CASP4: variants seen among roughly 807,000 people sequenced by gnomAD.
The protein encoded by CASP4 is caspase 4, also known as caspase-4.
A neutral mutation model predicts 41.3 loss-of-function variants in CASP4; 29 were observed. The observed-to-expected ratio is 0.70, with a 90% CI of 0.52 to 0.96. The LOEUF (loss-of-function observed/expected upper bound fraction) is 0.96, where lower values mean the gene tolerates loss of function less well. Ranked by LOEUF, CASP4 falls within the 40% of genes least tolerant of loss-of-function variation. The pLI is 0.00. For synonymous variants in CASP4, 185 were observed against 158.4 expected (o/e 1.17, Z -1.26); for missense variants, 447 against 460.6 (o/e 0.97, Z 0.27).
intron 1 of CASP4, among the ~76,000 whole-genome samples, chr11:104,967,753 A>G (rs754213605): frequency 6.6e-6 from 1 of 152,182 alleles, no homozygotes; most frequent in Non-Finnish European, 1.5e-5. Flanking sequence ...GCGATATGTT[A>G]TAAGGTTTAG....
Position 104,947,155 on chromosome 11 carries a change from G to T in CASP4, c.963C>A (p.Ile321=). 1 of 1,612,668 alleles carries T rather than the reference G, an allele frequency of 6.2e-7. No homozygotes were observed. The highest frequency in any genetic ancestry group is 1.1e-5 in the South Asian group (1 of 91,026). The change falls in exon 7 of 9, where the codon ATC becomes ATA. Residue 321 remains isoleucine, a synonymous_variant. Coordinates refer to ENST00000444739, the MANE Select transcript of CASP4 (RefSeq NM_001225.4). ...VSWRDSTMGS[I]FITQLITCFQ... is the part of the protein sequence containing the mutation. Reference sequence around the variant, plus strand: ...AGCATGTGATGAGTTGTGTGATGAAGATAGAGCCCATTGTGCTGTCTCTCC... The same window carrying T: ...AGCATGTGATGAGTTGTGTGATGAATATAGAGCCCATTGTGCTGTCTCTCC...
chr11:104,949,469 C>G, intron 5 of CASP4, 74 bp downstream of exon 5: 1 of 1,502,822 alleles, frequency 6.7e-7, no homozygotes. Flanking sequence ...AATGTTGCCC[C>G]TAAATATAAA....
At chr11:104,964,277 A>G (rs998800933) in intron 1 of CASP4, among the ~76,000 whole-genome samples, 2 of 152,170 alleles carry the variant, frequency 1.3e-5, no homozygotes, top group African/African-American at 4.8e-5. Context: ...AATAGAGGAA[A>G]AAAACAAAAC....
At chr11:104,949,445 G>A in intron 5 of CASP4, 98 bp downstream of exon 5, 2 of 1,243,800 alleles carry the variant, frequency 1.6e-6, no homozygotes, top group Non-Finnish European at 2.4e-6. Flanking sequence ...TATTTACACT[G>A]GATGAGGTTT....
At chr11:104,957,398 A>G (rs1474059745) in intron 1 of CASP4, among the ~76,000 whole-genome samples, 1 of 152,160 alleles carries the variant, frequency 6.6e-6, no homozygotes, top group Non-Finnish European at 1.5e-5. Context: ...TGGTGAGACT[A>G]TGTCTCTACA....
intron 2 of CASP4, among the ~76,000 whole-genome samples, 189 bp downstream of exon 2, chr11:104,954,558 T>C (rs911146495): frequency 1.1e-4 from 17 of 152,152 alleles, no homozygotes; most frequent in Non-Finnish European, 2.4e-4. Context: ...ACTCAGCCTT[T>C]TAGCTGATTG....
intron 1 of CASP4, 56 bp downstream of exon 1, chr11:104,968,462 TA>T: frequency 1.3e-6 from 2 of 1,486,256 alleles, no homozygotes; most frequent in Non-Finnish European, 1.9e-6. Flanking sequence ...TTCAGAGCAA[TA>T]AATCAAGTGT....
At chr11:104,966,951 A>G (rs558689571) in intron 1 of CASP4, among the ~76,000 whole-genome samples, 2 of 152,340 alleles carry the variant, frequency 1.3e-5, no homozygotes, top group South Asian at 2.1e-4. Flanking sequence ...TGAATTAGCT[A>G]TCATATGGTA....
intron 7 of CASP4, among the ~76,000 whole-genome samples, chr11:104,946,125 G>T (rs563690445): frequency 1.3e-5 from 2 of 152,144 alleles, no homozygotes; most frequent in East Asian, 3.9e-4. Context: ...GGGATTACAG[G>T]AATGAGTGAC....
Position 104,954,979 on chromosome 11 carries a change from T to C in CASP4, c.30A>G (p.Pro10=), listed in dbSNP as rs1469293156. The part of the protein sequence containing the change: MAEGNHRKK[P]LKVLESLGKD... The stretch of plus-strand genomic sequence containing the variant: ...TGCCCAGGGATTCCAACACCTTAAG[T>C]GGCTTTTTTCTGTGGTTGCCTTCTG... Residue 10 remains proline, a synonymous_variant, in exon 2 of 9, where the codon CCA becomes CCG. Coordinates refer to ENST00000444739, the MANE Select transcript of CASP4 (RefSeq NM_001225.4). 1 of 1,613,244 alleles carries C rather than the reference T, an allele frequency of 6.2e-7. No homozygotes were observed. Among genetic ancestry groups the C allele is most frequent in the African/African-American group, 1.3e-5 (1 of 74,838 alleles).
intron 1 of CASP4, among the ~76,000 whole-genome samples, chr11:104,966,241 G>C (rs1454739473): frequency 6.6e-6 from 1 of 152,150 alleles, no homozygotes; most frequent in Non-Finnish European, 1.5e-5. Context: ...AACCAGGTAA[G>C]TTTGATTTCA....
intron 5 of CASP4, 121 bp from the exon 6 acceptor site, chr11:104,948,797 C>G: frequency 3.1e-6 from 2 of 653,508 alleles, no homozygotes; most frequent in Middle Eastern, 5.3e-4. Flanking sequence ...GACCCACACA[C>G]ATACAAACAC....
rs746264538 is a variant in CASP4, at chr11:104,951,052, A to G, written c.419T>C (p.Ile140Thr). Residue 140 changes from isoleucine to threonine, a missense_variant, in exon 4 of 9, where the codon ATC becomes ACC. Transcript: ENST00000444739. ...ERNNRTRLAL[I>T]ICNTEFDHLP... ...ATGGTCAAACTCTGTATTGCATATG[A>G]TGAGAGCCAGGCGTGTGCGGTTGTT... The G allele has an allele frequency of 3.1e-6, 5 of 1,613,392 alleles. No individual in the cohort carries two copies. Among genetic ancestry groups the G allele is most frequent in the Middle Eastern group, 3.3e-4 (2 of 6,054 alleles).
chr11:104,950,907 C>A lies in CASP4; in HGVS notation c.546+18G>T, dbSNP rs56315921. ...GTCTTGAATATGTATGTGTTTGTGG[C>A]GGCTGAGGGATTCTTACCCTGGCTG... On this transcript the variant is annotated intron_variant, in intron 4 of 8. Transcript: ENST00000444739. 1.2e-6 allele frequency: 2 copies of A among 1,603,830 alleles called. No individual in the cohort carries two copies. Among genetic ancestry groups the A allele is most frequent in the East Asian group, 2.2e-5 (1 of 44,692 alleles).
At chr11:104,948,494 A>G in intron 6 of CASP4, 39 bp downstream of exon 6, 2 of 1,530,484 alleles carry the variant, frequency 1.3e-6, no homozygotes, top group Non-Finnish European at 1.8e-6. Context: ...AGATGGCCTC[A>G]GGCCCACAAA....
At position 104,947,643 on chromosome 11, in the gene CASP4, A is replaced by G. The variant is rs141880452; in HGVS notation, c.926-451T>C. ...CAAAGTTGTTTGCAGATTATGCCAC[A>G]CTGTCTTTCACCGTATAATAGAAAT... On this transcript the variant is annotated intron_variant, in intron 6 of 8. Coordinates refer to ENST00000444739, the MANE Select transcript of CASP4 (RefSeq NM_001225.4). 921 of 152,970 alleles carry G rather than the reference A, an allele frequency of 6.0e-3. 7 individuals carry two copies. Among genetic ancestry groups the G allele is most frequent in the South Asian group, 0.043 (211 of 4,882 alleles). 9.5% of individuals were successfully genotyped at this position (152,970 alleles called of 1,614,324 possible). A position where few individuals can be genotyped will look rare whatever the true frequency, so the allele number is the denominator to read the frequency against.
intron 1 of CASP4, among the ~76,000 whole-genome samples, chr11:104,964,443 C>T (rs992582789): frequency 1.3e-5 from 2 of 152,218 alleles, no homozygotes; most frequent in African/African-American, 4.8e-5. Context: ...TTGTTTCTCT[C>T]TACCTGATTT....
intron 1 of CASP4, among the ~76,000 whole-genome samples, chr11:104,965,609 G>A (rs911494064): frequency 5.9e-5 from 9 of 152,136 alleles, no homozygotes; most frequent in Non-Finnish European, 1.2e-4. Context: ...GGCATAGGCC[G>A]AACTGACTTT....
chr11:104,961,836 A>T (rs1321386114), intron 1 of CASP4, among the ~76,000 whole-genome samples: 2 of 152,104 alleles, frequency 1.3e-5, no homozygotes, highest in African/African-American at 4.8e-5. Flanking sequence ...GACTCTTCTT[A>T]TTTGGTTACA....
Sources: gnomAD v4.1 joint callset for allele counts (sites outside exome capture counted in the v4.1 genomes callset) on GRCh38, gnomAD v4.1.1 for gene constraint, MANE v1.5 for transcripts, NCBI Gene and HGNC (gene_info 2026-07-23, HGNC 2026-07-21) for gene names.